FER: variants seen among roughly 807,000 people sequenced by gnomAD.
FER encodes the protein FER tyrosine kinase.
A neutral mutation model predicts 111.0 loss-of-function variants in FER; 63 were observed. The ratio of observed to expected loss-of-function variants is 0.57; its 90% CI spans 0.46 to 0.70. The LOEUF is 0.70. Among genes scored for constraint, FER ranks in the 30% least tolerant of loss-of-function variants. FER has a pLI of 0.00. For synonymous variants in FER, 327 were observed against 313.9 expected, an observed-to-expected ratio of 1.04 and a Z score of -0.44; for missense variants, 914 against 954.0, an observed-to-expected ratio of 0.96 and a Z score of 0.55.
intron 17 of FER, among the ~76,000 whole-genome samples, chr5:109,103,467 G>A (rs1748504024): frequency 6.6e-6 from 1 of 152,116 alleles, no homozygotes; most frequent in South Asian, 2.1e-4. Flanking sequence ...AATGGAAAGA[G>A]GTTACTGCAT....
At chr5:108,795,522 G>A (rs986871906) in intron 2 of FER, among the ~76,000 whole-genome samples, 15 of 150,622 alleles carry the variant, frequency 1.0e-4, no homozygotes, top group Non-Finnish European at 2.9e-5. Context: ...TCTAGTTCTC[G>A]TAGGCATGGT....
At chr5:108,794,855 C>G (rs1250573522) in intron 2 of FER, among the ~76,000 whole-genome samples, 1 of 152,132 alleles carries the variant, frequency 6.6e-6, no homozygotes, top group Non-Finnish European at 1.5e-5. Context: ...TTATTAAATG[C>G]CTTGAGGTAG....
intron 5 of FER, among the ~76,000 whole-genome samples, chr5:108,845,013 T>TATATATATAC (rs1761787485): frequency 1.7e-5 from 1 of 57,218 alleles, no homozygotes; most frequent in Non-Finnish European, 3.4e-5. Flanking sequence ...TATATATATA[T>TATATATATAC]ATATATATAT....
chr5:109,177,361 G>A (rs1364218386), intron 17 of FER, among the ~76,000 whole-genome samples: 3 of 151,844 alleles, frequency 2.0e-5, no homozygotes, highest in Non-Finnish European at 4.4e-5. Flanking sequence ...CTCCTCATAA[G>A]TGCTAGTAGT....
At chr5:108,794,535 C>CCA (rs1554066093) in intron 2 of FER, among the ~76,000 whole-genome samples, 15 of 139,238 alleles carry the variant, frequency 1.1e-4, no homozygotes, top group African/African-American at 3.7e-4. Flanking sequence ...CACCCCCCCC[C>CCA]CTCCCCGCAC....
rs937177798 is a variant in FER at position 109,000,891 on chromosome 5, C to T, written c.1657-36531C>T. Among the ~76,000 whole-genome samples, 151 of 152,124 alleles carry T rather than the reference C, an allele frequency of 9.9e-4. 3 individuals carry two copies. The highest frequency in any genetic ancestry group is 9.3e-4 in the Non-Finnish European group (63 of 68,024). ...CTATAAACACCTCTACGCAAATAAACTAGAAAATCTAGAAGAAATGGATAA... is the reference window on the plus strand; with the variant it reads ...CTATAAACACCTCTACGCAAATAAATTAGAAAATCTAGAAGAAATGGATAA... On this transcript the variant is annotated intron_variant, in intron 13 of 19. Transcript: ENST00000281092.
rs1002068843 is a variant in FER at position 108,757,105 on chromosome 5, T to TA, written c.-206+9108dup. The stretch of plus-strand genomic sequence containing the variant: ...ATTTGAACTTGGGTGTTTCATACTC[T>TA]AAACCTGAAATAAATGTAAATGGTA... On this transcript the variant is annotated intron_variant, in intron 1 of 19. Coordinates refer to ENST00000281092, the MANE Select transcript of FER (RefSeq NM_005246.4). Among the ~76,000 whole-genome samples, 63 of 152,356 alleles carry TA rather than the reference T, an allele frequency of 4.1e-4. 1 individual carries two copies. Among genetic ancestry groups the TA allele is most frequent in the African/African-American group, 1.5e-3 (62 of 41,590 alleles).
chr5:109,177,361 G>C (rs1364218386), intron 17 of FER, among the ~76,000 whole-genome samples: 2 of 151,962 alleles, frequency 1.3e-5, no homozygotes, highest in Non-Finnish European at 1.5e-5. Context: ...CTCCTCATAA[G>C]TGCTAGTAGT....
intron 17 of FER, among the ~76,000 whole-genome samples, chr5:109,151,285 GC>G (rs1485462435): frequency 6.6e-6 from 1 of 151,938 alleles, no homozygotes; most frequent in African/African-American, 2.4e-5. Flanking sequence ...TGAATTGTTG[GC>G]AAGACTACTA....
chr5:108,825,632 G>A (rs1411186122), intron 3 of FER, among the ~76,000 whole-genome samples: 2 of 152,294 alleles, frequency 1.3e-5, no homozygotes, highest in South Asian at 2.1e-4. Context: ...AGGATTAAGA[G>A]ATTAAAGTAA....
At chr5:108,884,836 A>G (rs552025175) in intron 9 of FER, among the ~76,000 whole-genome samples, 2 of 152,118 alleles carry the variant, frequency 1.3e-5, no homozygotes, top group South Asian at 2.1e-4. Context: ...CCCTATCGCT[A>G]TGGAAATGGG....
intron 5 of FER, among the ~76,000 whole-genome samples, chr5:108,838,126 A>T (rs565241625): frequency 6.6e-6 from 1 of 152,074 alleles, no homozygotes; most frequent in Non-Finnish European, 1.5e-5. Flanking sequence ...TGAAAAATTT[A>T]TGTTTCAAAC....
At chr5:108,879,309 G>T (rs1236847250) in intron 8 of FER, among the ~76,000 whole-genome samples, 1 of 151,960 alleles carries the variant, frequency 6.6e-6, no homozygotes, top group Non-Finnish European at 1.5e-5. Flanking sequence ...TATAACGTGT[G>T]CCATGGTGGT....
In FER at chr5:108,810,120, C is replaced by T. The variant is rs546611973; in HGVS notation, c.207+11731C>T. Among the ~76,000 whole-genome samples the T allele has an allele frequency of 2.6e-5, 4 of 152,026 alleles. No homozygotes were observed. In the East Asian group the frequency reaches 5.8e-4, roughly 22 times the overall value. Reference sequence around the variant, plus strand: ...TATTTTTTAATTTCTCTTTTCCTTTCCCCTCCTTCCTAGGTAGTATGTCTA... The same window carrying T: ...TATTTTTTAATTTCTCTTTTCCTTTTCCCTCCTTCCTAGGTAGTATGTCTA... On this transcript the variant is annotated intron_variant, in intron 3 of 19. Coordinates refer to ENST00000281092, the MANE Select transcript of FER (RefSeq NM_005246.4).
chr5:109,036,554 A>G (rs931816345), intron 13 of FER, among the ~76,000 whole-genome samples: 2 of 152,050 alleles, frequency 1.3e-5, no homozygotes, highest in Non-Finnish European at 2.9e-5. Flanking sequence ...TCTAACATTA[A>G]TAAGAAACCT....
intron 3 of FER, among the ~76,000 whole-genome samples, chr5:108,819,349 T>G (rs573995869): frequency 6.6e-6 from 1 of 152,020 alleles, no homozygotes; most frequent in African/African-American, 2.4e-5. Flanking sequence ...CTTAAAGTAG[T>G]TTGTAGATAT....
chr5:108,983,404 T>C (rs1395860523), intron 13 of FER, among the ~76,000 whole-genome samples: 1 of 152,116 alleles, frequency 6.6e-6, no homozygotes, highest in East Asian at 1.9e-4. Flanking sequence ...GTGCTTTTGG[T>C]TTAAACCAAG....
At position 109,165,921 on chromosome 5, in the gene FER, A is replaced by G. The variant is rs1374279180; in HGVS notation, c.2049-14826A>G. ...TATCAATAAACAATGTTTATAAAAC[A>G]GGTCCTCTGTCTAATTGGAGTTATG... On this transcript the variant is annotated intron_variant, in intron 17 of 19. Coordinates refer to ENST00000281092, the MANE Select transcript of FER (RefSeq NM_005246.4). 2.0e-5 allele frequency among the ~76,000 whole-genome samples: 3 copies of G among 152,180 alleles called. No individual in the cohort carries two copies. In the East Asian group the frequency reaches 5.8e-4, roughly 29 times the overall value.
chr5:108,946,263 T>G, intron 11 of FER, 41 bp downstream of exon 11: 1 of 1,386,016 alleles, frequency 7.2e-7, no homozygotes, highest in Non-Finnish European at 1.0e-6. Context: ...AAATGGTCAT[T>G]GTCTAGCTTC....
Sources: allele counts gnomAD v4.1 joint callset (sites outside exome capture counted in the v4.1 genomes callset), GRCh38; gene constraint gnomAD v4.1.1; transcripts MANE v1.5; gene names NCBI Gene and HGNC (gene_info 2026-07-23, HGNC 2026-07-21).